ACTR6: variants seen among roughly 807,000 people sequenced by gnomAD.
ACTR6 encodes actin-related protein 6.
Under a neutral mutation model 52.5 loss-of-function variants are expected in ACTR6, and 50 were observed. The ratio of observed to expected loss-of-function variants is 0.95; its 90% CI spans 0.76 to 1.20. The LOEUF is 1.20. Ranked by LOEUF, ACTR6 falls within the 50% of genes most tolerant of loss-of-function variation. The pLI, the probability that ACTR6 is intolerant of heterozygous loss-of-function variation, is 0.00. For missense variants in ACTR6, 344 were observed against 472.4 expected (o/e 0.73, Z 2.52); for synonymous variants, 135 against 147.2 (o/e 0.92, Z 0.60).
chr12:100,205,269 A>G (rs1592832900), intron 2 of ACTR6: 1 of 390,872 alleles, frequency 2.6e-6, no homozygotes, highest in East Asian at 4.4e-5. Context: ...TCTAAGTGGT[A>G]TGCACACATT....
At chr12:100,202,970 G>T (rs2096111126) in intron 1 of ACTR6, among the ~76,000 whole-genome samples, 1 of 152,164 alleles carries the variant, frequency 6.6e-6, no homozygotes, top group African/African-American at 2.4e-5. Flanking sequence ...GTGGTTGGGG[G>T]TATGAGTGTG....
chr12:100,214,907 T>C (rs957436558), intron 8 of ACTR6, among the ~76,000 whole-genome samples: 22 of 152,202 alleles, frequency 1.4e-4, no homozygotes, highest in African/African-American at 4.8e-4. Context: ...GGAAGGTGTA[T>C]TTTTTTTCTT....
chr12:100,212,202 A>G, intron 6 of ACTR6, 54 bp from the exon 7 acceptor site: 2 of 1,283,818 alleles, frequency 1.6e-6, no homozygotes, highest in Non-Finnish European at 2.1e-6. Flanking sequence ...TCAGATAATT[A>G]TAAATTATGT....
Position 100,218,642 on chromosome 12 carries a change from G to A in ACTR6, c.922+56G>A, listed in dbSNP as rs1050253803. 1 of 1,207,772 alleles carries A rather than the reference G, an allele frequency of 8.3e-7. No homozygotes were observed. Among genetic ancestry groups the A allele is most frequent in the Admixed American group, 3.1e-5 (1 of 32,002 alleles). The allele number at this position is 1,207,772 out of a possible 1,614,324, so 74.8% of individuals were successfully genotyped here. On this transcript the variant is annotated intron_variant, in intron 9 of 10. Coordinates refer to ENST00000188312, the MANE Select transcript of ACTR6 (RefSeq NM_022496.5). This position sits in a 1 kb window ranked among gnomAD's most constrained non-coding sequence, Gnocchi z 4.2. ...TATAATTGTTTTAAAAACATCATAAGCCCTGTGAACCCTGTTTCCTCTAAA... is the reference window on the plus strand; with the variant it reads ...TATAATTGTTTTAAAAACATCATAAACCCTGTGAACCCTGTTTCCTCTAAA...
At position 100,223,983 on chromosome 12, in the gene ACTR6, G is replaced by A. The variant is rs2096130323; in HGVS notation, c.*68G>A. ...CAAAGTTCCTTTTAAAAGAGGTTAA[G>A]GAACTGTGTTACCTTTTGTCCTAAG... On this transcript the variant is annotated 3_prime_UTR_variant, in exon 11 of 11. Coordinates refer to ENST00000188312, the MANE Select transcript of ACTR6 (RefSeq NM_022496.5). 6.6e-7 allele frequency: 1 copy of A among 1,518,636 alleles called. No individual in the cohort carries two copies. Among genetic ancestry groups the A allele is most frequent in the African/African-American group, 1.4e-5 (1 of 71,088 alleles). 94.1% of individuals were successfully genotyped at this position (1,518,636 alleles called of 1,614,324 possible).
intron 2 of ACTR6, 106 bp from the exon 3 acceptor site, chr12:100,205,570 A>G (rs983793894): frequency 1.5e-6 from 1 of 675,128 alleles, no homozygotes; most frequent in African/African-American, 1.9e-5. Context: ...GATAGAAATC[A>G]GTGATTTGGA....
At chr12:100,216,922 TA>T (rs1256751928) in intron 8 of ACTR6, among the ~76,000 whole-genome samples, 1 of 152,220 alleles carries the variant, frequency 6.6e-6, no homozygotes. Context: ...ATTTTCAGGA[TA>T]TTTTTTATTT....
Position 100,210,086 on chromosome 12 carries a change from T to C in ACTR6, c.393T>C (p.Ser131=). The change falls in exon 5 of 11, where the codon AGT becomes AGC. Residue 131 remains serine, a synonymous_variant. Transcript: ENST00000188312. ...AVLRVNAGAL[S]AHRYFRDNPS... ...TTTTTTAAATAGCTGGGGCTCTCAG[T>C]GCACATAGGTATTTCCGAGATAATC... 6.3e-7 allele frequency: 1 copy of C among 1,597,172 alleles called. No homozygotes were observed.
chr12:100,223,287 G>C (rs1649738986), intron 10 of ACTR6, among the ~76,000 whole-genome samples: 1 of 152,104 alleles, frequency 6.6e-6, no homozygotes, highest in Admixed American at 6.6e-5. Flanking sequence ...GTTGCAGTGA[G>C]CTGAGATCGT....
At position 100,218,490 on chromosome 12, in the gene ACTR6, G is replaced by A. The variant is rs757084002; in HGVS notation, c.826G>A (p.Ala276Thr). The A allele has an allele frequency of 6.2e-7, 1 of 1,607,526 alleles. No individual in the cohort carries two copies. Among genetic ancestry groups the A allele is most frequent in the East Asian group, 2.3e-5 (1 of 44,322 alleles). The change falls in exon 9 of 11, where the codon GCT becomes ACT. Residue 276 changes from alanine to threonine, a missense_variant. Ala to Thr is a moderately conservative substitution (Grantham distance 58). Transcript: ENST00000188312. The surrounding 1 kb of genome is among the most constrained non-coding windows in gnomAD (Gnocchi z 4.2). ...TCTTCGTTTGGCCAATGAGAGATTT[G>A]CTGTTCCGGAAATACTCTTTAATCC... ...QILRLANERF[A>T]VPEILFNPSD...
intron 1 of ACTR6, 72 bp downstream of exon 1, chr12:100,200,991 G>C (rs1376751608): frequency 6.2e-7 from 1 of 1,610,666 alleles, no homozygotes; most frequent in South Asian, 1.1e-5. Flanking sequence ...TTCATCTCCG[G>C]ACATCAATGA....
intron 3 of ACTR6, among the ~76,000 whole-genome samples, chr12:100,206,851 T>TTC (rs2096115219): frequency 7.0e-6 from 1 of 143,644 alleles, no homozygotes; most frequent in African/African-American, 2.5e-5. Context: ...TTTTTTTTTT[T>TTC]GTATTTTTAG....
intron 6 of ACTR6, among the ~76,000 whole-genome samples, chr12:100,211,818 T>C (rs774995269): frequency 5.9e-5 from 9 of 152,092 alleles, no homozygotes; most frequent in Non-Finnish European, 1.2e-4. Context: ...TTTATTTCTA[T>C]AGTAAGCCAA....
chr12:100,217,978 C>T (rs1365987265), intron 8 of ACTR6, among the ~76,000 whole-genome samples: 1 of 151,974 alleles, frequency 6.6e-6, no homozygotes, highest in Admixed American at 6.6e-5. Flanking sequence ...TCTCTTGTCT[C>T]TCCTCCTTTT....
intron 2 of ACTR6, 187 bp downstream of exon 2, chr12:100,205,244 T>G (rs571190790): frequency 2.1e-6 from 1 of 472,022 alleles, no homozygotes; most frequent in African/African-American, 2.0e-5. Context: ...AGTACTGATT[T>G]TTACTTACAT....
intron 10 of ACTR6, chr12:100,221,906 C>T (rs187449523): frequency 1.3e-5 from 2 of 152,002 alleles, no homozygotes; most frequent in East Asian, 3.9e-4. Flanking sequence ...CAGTAATCTG[C>T]CTTAGCCCAG....
rs370720426 is a variant in ACTR6 at position 100,210,218 on chromosome 12, A to G, written c.515+10A>G. On this transcript the variant is annotated intron_variant, in intron 5 of 10. Coordinates refer to ENST00000188312, the MANE Select transcript of ACTR6 (RefSeq NM_022496.5). ...AAGAAGCAATTATTCGGTGAGTTGTATTTAATTTTCATGTTGTTTCTAAAG... is the reference window on the plus strand; with the variant it reads ...AAGAAGCAATTATTCGGTGAGTTGTGTTTAATTTTCATGTTGTTTCTAAAG... The G allele has an allele frequency of 4.4e-6, 7 of 1,602,736 alleles. No homozygotes were observed. In the African/African-American group the frequency reaches 9.4e-5, roughly 22 times the overall value.
Position 100,200,907 on chromosome 12 carries a change from A to G in ACTR6, c.56A>G (p.His19Arg), listed in dbSNP as rs1216066422. 3.7e-6 allele frequency: 6 copies of G among 1,614,186 alleles called. No individual in the cohort carries two copies. Among genetic ancestry groups the G allele is most frequent in the East Asian group, 4.5e-5 (2 of 44,882 alleles). ...GAYNAKIGYS[H>R]ENVSVIPNCQ... ...TACAACGCCAAAATCGGTTACAGCC[A>G]TGAAAATGTGTCGTAAGTACTTTCT... is the stretch of plus-strand genomic sequence containing the variant. Residue 19 changes from histidine (H) to arginine (R), a missense_variant, in exon 1 of 11, where the codon CAT becomes CGT. Coordinates refer to ENST00000188312, the MANE Select transcript of ACTR6 (RefSeq NM_022496.5).
chr12:100,216,022 T>C (rs893172513), intron 8 of ACTR6, among the ~76,000 whole-genome samples: 6 of 152,198 alleles, frequency 3.9e-5, no homozygotes, highest in African/African-American at 1.4e-4. Context: ...TTCTTTCTTA[T>C]CAGAAAGAGG....
Sources: gnomAD v4.1 joint callset for allele counts (sites outside exome capture counted in the v4.1 genomes callset) on GRCh38, gnomAD v4.1.1 for gene constraint, Gnocchi (gnomAD v3.1) non-coding constraint, MANE v1.5 for transcripts, NCBI Gene and HGNC (gene_info 2026-07-23, HGNC 2026-07-21) for gene names.